The following DOCK1 variants were observed in gnomAD, a reference collection of about 807,000 sequenced individuals.
DOCK1 encodes the protein dedicator of cytokinesis 1.
DOCK1 carries 138 observed loss-of-function variants against 262.7 expected under a neutral mutation model. That is an observed-to-expected ratio of 0.53 (90% CI 0.46 to 0.61). DOCK1 has a LOEUF of 0.61. Ranked by LOEUF, DOCK1 falls within the 20% of genes least tolerant of loss-of-function variation. DOCK1 has a pLI of 0.00. For missense variants in DOCK1, 1,908 were observed against 2,370.7 expected (o/e 0.80, Z 4.05); for synonymous variants, 866 against 867.4 (o/e 1.00, Z 0.03).
Position 127,175,609 on chromosome 10 carries a change from C to T in DOCK1, c.2847+47845C>T. ...GACAAACCAGGCTCGGGGGCCCTGG[C>T]ACTGAGGGCAGGTGCGTAAACGGTG... On this transcript the variant is annotated intron_variant, in intron 27 of 51. Coordinates refer to ENST00000623213, the MANE Select transcript of DOCK1 (RefSeq NM_001290223.2). The surrounding 1 kb of genome is among the most constrained non-coding windows in gnomAD (Gnocchi z 6.3). 1 of 1,612,876 alleles carries T rather than the reference C, an allele frequency of 6.2e-7. No homozygotes were observed. The highest frequency in any genetic ancestry group is 1.1e-5 in the South Asian group (1 of 91,072).
chr10:127,265,453 A>C (rs569060022), intron 29 of DOCK1, among the ~76,000 whole-genome samples: 1 of 152,050 alleles, frequency 6.6e-6, no homozygotes, highest in African/African-American at 2.4e-5. Context: ...CAGTCTGCAA[A>C]GGATGGAGGA....
At chr10:126,985,494 C>G (rs1201730470) in intron 4 of DOCK1, among the ~76,000 whole-genome samples, 1 of 152,110 alleles carries the variant, frequency 6.6e-6, no homozygotes, top group Non-Finnish European at 1.5e-5. Context: ...AGGGAGGAAC[C>G]TAAGGTGGAA....
intron 25 of DOCK1, 135 bp from the exon 26 acceptor site, chr10:127,125,338 AC>A: frequency 6.0e-6 from 7 of 1,169,418 alleles, no homozygotes; most frequent in Non-Finnish European, 7.2e-6. Flanking sequence ...CAAGTAATTG[AC>A]CCCCCTCCAG....
chr10:127,191,936 A>G (rs2056784893), intron 27 of DOCK1, among the ~76,000 whole-genome samples: 1 of 152,142 alleles, frequency 6.6e-6, no homozygotes, highest in African/African-American at 2.4e-5. Flanking sequence ...CCTCCTTCCC[A>G]TGTCTCTCAT....
chr10:126,994,637 G>T (rs2040036493), intron 6 of DOCK1, among the ~76,000 whole-genome samples: 1 of 152,198 alleles, frequency 6.6e-6, no homozygotes, highest in African/African-American at 2.4e-5. Context: ...GGGGTTGGGG[G>T]TAACGTCATA....
At chr10:127,343,255 A>C (rs536365123) in intron 30 of DOCK1, among the ~76,000 whole-genome samples, 149 of 152,304 alleles carry the variant, frequency 9.8e-4, no homozygotes, top group Admixed American at 3.7e-3. Context: ...AATAAAAAAG[A>C]GCTAACATTG....
chr10:127,407,206 G>T (rs1247278139), intron 40 of DOCK1, among the ~76,000 whole-genome samples: 1 of 152,162 alleles, frequency 6.6e-6, no homozygotes, highest in African/African-American at 2.4e-5. Flanking sequence ...CACTGGGGCT[G>T]CTGTAACAAA....
chr10:127,261,217 G>A (rs1280683249), intron 29 of DOCK1, among the ~76,000 whole-genome samples: 1 of 60,512 alleles, frequency 1.7e-5, no homozygotes, highest in African/African-American at 5.9e-5. Flanking sequence ...CTGCATGTGT[G>A]TGCATGTGGG....
At chr10:126,988,240 T>C (rs987284042) in intron 5 of DOCK1, 13 of 152,222 alleles carry the variant, frequency 8.5e-5, no homozygotes, top group African/African-American at 3.1e-4. Context: ...TCTTTGCACA[T>C]AAATTCATAT....
intron 25 of DOCK1, among the ~76,000 whole-genome samples, chr10:127,118,734 T>G (rs1157482278): frequency 6.6e-6 from 1 of 152,214 alleles, no homozygotes; most frequent in Non-Finnish European, 1.5e-5. Context: ...CTCTGCCCAG[T>G]GGCCCTGTTC....
chr10:126,929,009 C>T (rs993952797), intron 1 of DOCK1, among the ~76,000 whole-genome samples: 41 of 152,118 alleles, frequency 2.7e-4, no homozygotes, highest in Admixed American at 2.6e-4. Context: ...TCTCATTTGA[C>T]GAGGGCCTCT....
chr10:127,305,469 A>G (rs1345327796), intron 29 of DOCK1, among the ~76,000 whole-genome samples: 1 of 152,134 alleles, frequency 6.6e-6, no homozygotes, highest in Admixed American at 6.5e-5. Flanking sequence ...CGAGTGCCCA[A>G]CACACATTGC....
intron 27 of DOCK1, among the ~76,000 whole-genome samples, chr10:127,239,632 C>T (rs190976810): frequency 4.6e-5 from 7 of 152,222 alleles, no homozygotes; most frequent in Non-Finnish European, 1.0e-4. Flanking sequence ...CACGTATAGA[C>T]ATATTGATCT....
At chr10:127,065,854 C>A (rs562909875) in intron 23 of DOCK1, among the ~76,000 whole-genome samples, 255 of 79,168 alleles carry the variant, frequency 3.2e-3, no homozygotes, top group African/African-American at 9.4e-3. Context: ...AACTCCATCT[C>A]GAAAAAAAAA....
chr10:127,228,649 A>G (rs1270942156), intron 27 of DOCK1, among the ~76,000 whole-genome samples: 2 of 152,156 alleles, frequency 1.3e-5, no homozygotes, highest in African/African-American at 4.8e-5. Context: ...CTGGAGCAGA[A>G]CCTTGTTACT....
chr10:127,336,709 T>G (rs953207412), intron 29 of DOCK1, among the ~76,000 whole-genome samples: 25 of 151,978 alleles, frequency 1.6e-4, no homozygotes, highest in Non-Finnish European at 5.9e-5. Flanking sequence ...CCAGCTAATT[T>G]TTTGTATTTT....
At chr10:127,173,559 T>G (rs537658480) in intron 27 of DOCK1, among the ~76,000 whole-genome samples, 1 of 152,358 alleles carries the variant, frequency 6.6e-6, no homozygotes, top group South Asian at 2.1e-4. Flanking sequence ...CACATTAGTG[T>G]ACATATTTCA....
rs559110073 is a variant in DOCK1, at chr10:127,139,714, C to T, written c.2847+11950C>T. On this transcript the variant is annotated intron_variant, in intron 27 of 51. Coordinates refer to ENST00000623213, the MANE Select transcript of DOCK1 (RefSeq NM_001290223.2). Reference sequence around the variant, plus strand: ...TTCCACCTGATGCTGGTTTGGGAGTCGGGGGCTCCTTAAACTTCAATTCTT... The same window carrying T: ...TTCCACCTGATGCTGGTTTGGGAGTTGGGGGCTCCTTAAACTTCAATTCTT... Among the ~76,000 whole-genome samples, 36 of 152,220 alleles carry T rather than the reference C, an allele frequency of 2.4e-4. 1 individual carries two copies. The South Asian group carries it at 5.0e-3, about 21-fold the overall frequency.
At chr10:127,431,317 C>T (rs981306185) in intron 47 of DOCK1, among the ~76,000 whole-genome samples, 7 of 152,202 alleles carry the variant, frequency 4.6e-5, no homozygotes, top group African/African-American at 1.4e-4. Flanking sequence ...AGGAATTATG[C>T]GGCAGACCGC....
Sources: gnomAD v4.1 joint callset for allele counts (sites outside exome capture counted in the v4.1 genomes callset) on GRCh38, gnomAD v4.1.1 for gene constraint, Gnocchi (gnomAD v3.1) non-coding constraint, MANE v1.5 for transcripts, NCBI Gene and HGNC (gene_info 2026-07-23, HGNC 2026-07-21) for gene names.